NR1H4: variants seen among roughly 807,000 people sequenced by gnomAD.
NR1H4 encodes the protein nuclear receptor subfamily 1 group H member 4.
In NR1H4, 23 loss-of-function variants were observed where a neutral mutation model predicts 58.5. The ratio of observed to expected loss-of-function variants is 0.39; its 90% CI spans 0.28 to 0.56. The LOEUF (loss-of-function observed/expected upper bound fraction) is 0.56, where lower values mean the gene tolerates loss of function less well. Ranked by LOEUF, NR1H4 falls within the 20% of genes least tolerant of loss-of-function variation. NR1H4 has a pLI of 0.58. For synonymous variants in NR1H4, 214 were observed against 198.0 expected, an observed-to-expected ratio of 1.08 and a Z score of -0.68; for missense variants, 487 against 576.9, an observed-to-expected ratio of 0.84 and a Z score of 1.60.
intron 9 of NR1H4, among the ~76,000 whole-genome samples, chr12:100,552,766 T>C (rs1035793840): frequency 6.6e-6 from 1 of 151,906 alleles, no homozygotes; most frequent in Non-Finnish European, 1.5e-5. Flanking sequence ...CTACAAAAAA[T>C]AAAATGTCTG....
At chr12:100,504,238 A>G (rs1953905396) in intron 3 of NR1H4, among the ~76,000 whole-genome samples, 1 of 152,230 alleles carries the variant, frequency 6.6e-6, no homozygotes, top group Non-Finnish European at 1.5e-5. Context: ...AATGTAAATC[A>G]TATTTTAATA....
At chr12:100,496,245 A>G (rs1370609050) in intron 3 of NR1H4, among the ~76,000 whole-genome samples, 3 of 152,208 alleles carry the variant, frequency 2.0e-5, no homozygotes, top group Admixed American at 6.5e-5. Context: ...TATTATTTTT[A>G]TACCTTATTT....
At chr12:100,520,704 A>G (rs1254640563) in intron 4 of NR1H4, among the ~76,000 whole-genome samples, 1 of 152,146 alleles carries the variant, frequency 6.6e-6, no homozygotes, top group Admixed American at 6.5e-5. Context: ...AAACTCCACA[A>G]TCCCGCTTAC....
chr12:100,519,953 A>G (rs1030816115), intron 4 of NR1H4, among the ~76,000 whole-genome samples: 2 of 152,104 alleles, frequency 1.3e-5, no homozygotes, highest in South Asian at 4.1e-4. Context: ...TATCTTCCTT[A>G]TGTGTTCTCC....
intron 1 of NR1H4, among the ~76,000 whole-genome samples, chr12:100,476,779 C>T (rs1343071291): frequency 2.0e-5 from 3 of 152,070 alleles, no homozygotes; most frequent in South Asian, 2.1e-4. Context: ...CCCAGCAGCT[C>T]GGGCGGCTGA....
At chr12:100,541,289 CTT>C (rs60527013) in intron 9 of NR1H4, among the ~76,000 whole-genome samples, 3 of 144,574 alleles carry the variant, frequency 2.1e-5, no homozygotes, top group Non-Finnish European at 4.6e-5. Flanking sequence ...TTCTTCCTTT[CTT>C]TTTTTTTTTT....
In NR1H4 at chr12:100,563,575, G is replaced by T. The variant is rs528203123; in HGVS notation, c.*86G>T. ...CTTTCCTTTATTTCACTTGTACCCAGTTTCACTCAAGAAATCTTGATGAAT... is the reference window on the plus strand; with the variant it reads ...CTTTCCTTTATTTCACTTGTACCCATTTTCACTCAAGAAATCTTGATGAAT... On this transcript the variant is annotated 3_prime_UTR_variant, in exon 11 of 11. Transcript: ENST00000392986. 249 of 1,031,060 alleles carry T rather than the reference G, an allele frequency of 2.4e-4. 5 individuals carry two copies. The South Asian group carries it at 3.1e-3, about 13-fold the overall frequency. The allele number at this position is 1,031,060 out of a possible 1,614,324, so 63.9% of individuals were successfully genotyped here. A position where few individuals can be genotyped will look rare whatever the true frequency, so the allele number is the denominator to read the frequency against.
At position 100,563,339 on chromosome 12, in the gene NR1H4, G is replaced by A; in HGVS notation, c.1281G>A (p.Gln427=). 6.2e-7 allele frequency: 1 copy of A among 1,614,132 alleles called. No homozygotes were observed. Among genetic ancestry groups the A allele is most frequent in the Non-Finnish European group, 8.5e-7 (1 of 1,180,020 alleles). ...TACAAAAGTTGTGTAAGATTCACCA[G>A]CCTGAAAATCCTCAACACTTTGCCT... ...DVLQKLCKIH[Q]PENPQHFACL... is the part of the protein sequence containing the mutation. Residue 427 remains glutamine, a synonymous_variant, in exon 11 of 11, where the codon CAG becomes CAA. Coordinates refer to ENST00000392986, the MANE Select transcript of NR1H4 (RefSeq NM_001206979.2).
intron 3 of NR1H4, chr12:100,499,971 C>T (rs1198562423): frequency 8.8e-6 from 4 of 455,878 alleles, no homozygotes; most frequent in East Asian, 6.9e-5. Flanking sequence ...ATGCCTGGCA[C>T]ATCACAAGTA....
At chr12:100,502,099 A>C (rs1566437427) in intron 3 of NR1H4, among the ~76,000 whole-genome samples, 1 of 152,230 alleles carries the variant, frequency 6.6e-6, no homozygotes. Context: ...CTGTTGTGCT[A>C]AGCATTTTAT....
intron 4 of NR1H4, among the ~76,000 whole-genome samples, chr12:100,524,774 A>G (rs565149747): frequency 1.3e-5 from 2 of 151,926 alleles, no homozygotes; most frequent in Non-Finnish European, 2.9e-5. Flanking sequence ...TTTGTATTTT[A>G]TTGTTTCTTT....
At chr12:100,499,596 T>A (rs544877418) in intron 3 of NR1H4, among the ~76,000 whole-genome samples, 3 of 152,178 alleles carry the variant, frequency 2.0e-5, no homozygotes, top group Non-Finnish European at 4.4e-5. Context: ...TTGGAAAAGG[T>A]GTGCAATGAG....
chr12:100,530,162 G>T (rs1274806984), intron 4 of NR1H4, among the ~76,000 whole-genome samples: 3 of 152,182 alleles, frequency 2.0e-5, no homozygotes, highest in Admixed American at 6.5e-5. Context: ...GTACTTAACA[G>T]TAAACTATTT....
intron 3 of NR1H4, among the ~76,000 whole-genome samples, chr12:100,505,399 T>G (rs1301005659): frequency 2.0e-5 from 3 of 152,212 alleles, no homozygotes; most frequent in Non-Finnish European, 2.9e-5. Context: ...AGTCAGACTC[T>G]AAGTATCACT....
In NR1H4 at chr12:100,511,128, T is replaced by C. The variant is rs149267098; in HGVS notation, c.430T>C (p.Cys144Arg). ...ASGYHYNALT[C>R]EGCKGFFRRS... ...TGGATACCACTATAATGCACTGACC[T>C]GTGAGGGGTGTAAAGGTAAGCATCT... The change falls in exon 4 of 11, where the codon TGT (cysteine) becomes CGT (arginine). Residue 144 changes from cysteine to arginine, a missense_variant. Cys to Arg is a radical substitution (Grantham distance 180). Coordinates refer to ENST00000392986, the MANE Select transcript of NR1H4 (RefSeq NM_001206979.2). 1 of 1,614,258 alleles carries C rather than the reference T, an allele frequency of 6.2e-7. No homozygotes were observed. Among genetic ancestry groups the C allele is most frequent in the East Asian group, 2.2e-5 (1 of 44,892 alleles).
At chr12:100,487,058 A>T (rs1241838654) in intron 1 of NR1H4, among the ~76,000 whole-genome samples, 8 of 152,222 alleles carry the variant, frequency 5.3e-5, no homozygotes. Flanking sequence ...AAACTGTCAC[A>T]CATAGCCAAT....
At chr12:100,526,020 CT>C (rs1285345305) in intron 4 of NR1H4, among the ~76,000 whole-genome samples, 2 of 151,766 alleles carry the variant, frequency 1.3e-5, no homozygotes, top group Admixed American at 1.3e-4. Flanking sequence ...TCTCTTTTTT[CT>C]TGGTTAGCCT....
At chr12:100,482,596 A>G (rs1228442626) in intron 1 of NR1H4, among the ~76,000 whole-genome samples, 1 of 152,178 alleles carries the variant, frequency 6.6e-6, no homozygotes, top group Non-Finnish European at 1.5e-5. Flanking sequence ...GACACAGAAA[A>G]CCAAATCCAC....
At chr12:100,504,017 C>T (rs1311260072) in intron 3 of NR1H4, among the ~76,000 whole-genome samples, 3 of 150,738 alleles carry the variant, frequency 2.0e-5, no homozygotes, top group South Asian at 2.1e-4. Context: ...TAAGTATGTA[C>T]GAGGGATATG....
Sources: gnomAD v4.1 joint callset for allele counts (sites outside exome capture counted in the v4.1 genomes callset) on GRCh38, gnomAD v4.1.1 for gene constraint, MANE v1.5 for transcripts, NCBI Gene and HGNC (gene_info 2026-07-23, HGNC 2026-07-21) for gene names.